PTPRG: variants seen among roughly 807,000 people sequenced by gnomAD.
The protein encoded by PTPRG is receptor-type tyrosine-protein phosphatase gamma.
Under a neutral mutation model 165.3 loss-of-function variants are expected in PTPRG, and 102 were observed. That is an observed-to-expected ratio of 0.62 (90% CI 0.53 to 0.73). The LOEUF (loss-of-function observed/expected upper bound fraction) is 0.73, where lower values mean the gene tolerates loss of function less well. Among genes scored for constraint, PTPRG ranks in the 30% least tolerant of loss-of-function variants. PTPRG has a pLI of 0.00. For synonymous variants in PTPRG, 675 were observed against 669.5 expected (o/e 1.01, Z -0.13); for missense variants, 1,866 against 1,861.4 (o/e 1.00, Z -0.05).
chr3:61,861,528 T>A (rs1415100559), intron 2 of PTPRG, among the ~76,000 whole-genome samples: 2 of 152,182 alleles, frequency 1.3e-5, no homozygotes, highest in African/African-American at 4.8e-5. Context: ...TAAAAGACAA[T>A]GAAGCAGGGG....
intron 2 of PTPRG, chr3:61,925,839 T>C: frequency 2.1e-6 from 1 of 472,840 alleles, no homozygotes; most frequent in Non-Finnish European, 4.3e-6. Context: ...ATAACTGGCT[T>C]GTCCCGAGCA....
At chr3:62,026,465 T>TGAGTTA (rs2041806056) in intron 4 of PTPRG, among the ~76,000 whole-genome samples, 1 of 152,096 alleles carries the variant, frequency 6.6e-6, no homozygotes, top group Non-Finnish European at 1.5e-5. Flanking sequence ...AATAACACAG[T>TGAGTTA]GAGTTAGAGC....
intron 2 of PTPRG, chr3:61,769,212 G>A (rs2034130602): frequency 6.6e-6 from 1 of 152,116 alleles, no homozygotes; most frequent in African/African-American, 2.4e-5. Context: ...GGGAGTGTGG[G>A]ATGGTTTTCT....
chr3:62,243,578 A>AC (rs1701213661), intron 14 of PTPRG: 1 of 392,136 alleles, frequency 2.6e-6, no homozygotes, highest in African/African-American at 2.1e-5. Context: ...TTCCCTTTGA[A>AC]CTATCAGTTT....
At chr3:61,801,126 C>G (rs1249380974) in intron 2 of PTPRG, among the ~76,000 whole-genome samples, 26 of 152,102 alleles carry the variant, frequency 1.7e-4, no homozygotes, top group Admixed American at 1.7e-3. Context: ...AAAACAGATG[C>G]ACTGGCAGCC....
intron 1 of PTPRG, among the ~76,000 whole-genome samples, chr3:61,673,999 T>G (rs4491896): frequency 0.99 from 148,738 of 150,130 alleles, 73,697 homozygotes; most frequent in South Asian, 1. Context: ...CATGGACACA[T>G]GGAGGGGAAC....
intron 8 of PTPRG, among the ~76,000 whole-genome samples, chr3:62,169,455 G>A (rs1705134849): frequency 6.6e-6 from 1 of 151,950 alleles, no homozygotes; most frequent in Non-Finnish European, 1.5e-5. Context: ...ATCATTTTCA[G>A]GCATCTCAGT....
chr3:61,935,267 A>G (rs1023409363), intron 2 of PTPRG, among the ~76,000 whole-genome samples: 1 of 152,214 alleles, frequency 6.6e-6, no homozygotes, highest in African/African-American at 2.4e-5. Flanking sequence ...TGTGATCTAC[A>G]TAATGGAGCA....
Position 61,744,920 on chromosome 3 carries a change from G to GT in PTPRG, c.86-3954dup, listed in dbSNP as rs556508776. Among the ~76,000 whole-genome samples, 396 of 152,176 alleles carry GT rather than the reference G, an allele frequency of 2.6e-3. 1 individual carries two copies. Among genetic ancestry groups the GT allele is most frequent in the African/African-American group, 8.9e-3 (369 of 41,500 alleles). ...AGAGTCAGTGAGGTTCTGGGTGGTG[G>GT]TTTTGCCTGTGGCTTATGTAAACAG... is the stretch of plus-strand genomic sequence containing the variant. On this transcript the variant is annotated intron_variant, in intron 1 of 29. Transcript: ENST00000474889.
intron 4 of PTPRG, among the ~76,000 whole-genome samples, chr3:62,071,860 C>G (rs1701220263): frequency 6.6e-6 from 1 of 152,164 alleles, no homozygotes; most frequent in Admixed American, 6.5e-5. Flanking sequence ...ATACCTATCT[C>G]ACTGAGTGCC....
chr3:62,265,924 C>CACACACA (rs757211700), intron 17 of PTPRG, among the ~76,000 whole-genome samples: 19 of 151,512 alleles, frequency 1.3e-4, no homozygotes, highest in Middle Eastern at 6.8e-3. Context: ...CACACACACA[C>CACACACA]ACCATTCTCT....
At chr3:61,874,084 T>C (rs920600902) in intron 2 of PTPRG, among the ~76,000 whole-genome samples, 2 of 152,116 alleles carry the variant, frequency 1.3e-5, no homozygotes, top group Non-Finnish European at 2.9e-5. Context: ...TAAAAGACAC[T>C]CAAATCAGAC....
At chr3:61,940,652 TATTTATTTATTTA>T (rs1230032361) in intron 2 of PTPRG, among the ~76,000 whole-genome samples, 4 of 150,000 alleles carry the variant, frequency 2.7e-5, no homozygotes, top group African/African-American at 4.9e-5. Context: ...TAGATGCTTT[TATTTATTTATTTA>T]TTTATTTTTT....
At chr3:62,004,146 G>A (rs1042406413) in intron 4 of PTPRG, among the ~76,000 whole-genome samples, 2 of 152,148 alleles carry the variant, frequency 1.3e-5, no homozygotes, top group African/African-American at 4.8e-5. Context: ...TATTAATGTT[G>A]AGTAGGGACA....
chr3:61,791,027 C>A (rs1264547661), intron 2 of PTPRG, among the ~76,000 whole-genome samples: 1 of 152,056 alleles, frequency 6.6e-6, no homozygotes. Context: ...GTAAAGATGT[C>A]GGTTAACAGT....
At chr3:62,078,327 C>A in intron 5 of PTPRG, 69 bp downstream of exon 5, 1 of 1,114,942 alleles carries the variant, frequency 9.0e-7, no homozygotes, top group Non-Finnish European at 1.3e-6. Flanking sequence ...CCGAATTGTT[C>A]CATGTTTAAT....
chr3:62,031,892 G>C (rs907725262), intron 4 of PTPRG, among the ~76,000 whole-genome samples: 8 of 152,142 alleles, frequency 5.3e-5, no homozygotes, highest in Non-Finnish European at 7.4e-5. Context: ...GGGTGTAGGA[G>C]GAAGAGGATG....
intron 3 of PTPRG, among the ~76,000 whole-genome samples, chr3:61,999,274 T>C (rs184443123): frequency 6.6e-6 from 1 of 152,220 alleles, no homozygotes; most frequent in Non-Finnish European, 1.5e-5. Context: ...CTCAAACTCC[T>C]AACCTCAGGT....
At chr3:61,856,214 G>T (rs903316667) in intron 2 of PTPRG, among the ~76,000 whole-genome samples, 1 of 151,574 alleles carries the variant, frequency 6.6e-6, no homozygotes, top group African/African-American at 2.4e-5. Flanking sequence ...TAGTATATTC[G>T]CAGTGTGATG....
Sources: allele counts gnomAD v4.1 joint callset (sites outside exome capture counted in the v4.1 genomes callset), GRCh38; gene constraint gnomAD v4.1.1; transcripts MANE v1.5; gene names NCBI Gene and HGNC (gene_info 2026-07-23, HGNC 2026-07-21).